ZNF808: variants seen among roughly 807,000 people sequenced by gnomAD.
ZNF808 encodes zinc finger protein 808.
Under a neutral mutation model 8.7 loss-of-function variants are expected in ZNF808, and 5 were observed. That is an observed-to-expected ratio of 0.58 (90% CI 0.30 to 1.21). The LOEUF (loss-of-function observed/expected upper bound fraction) is 1.21. ZNF808 is among the 50% of genes most tolerant of loss of function. The pLI is 0.07. For synonymous variants in ZNF808, 380 were observed against 366.0 expected (o/e 1.04, Z -0.44); for missense variants, 1,103 against 1,098.4 (o/e 1.00, Z -0.06).
chr19:52,549,843 G>A (rs2059758674), intron 4 of ZNF808, among the ~76,000 whole-genome samples: 1 of 152,096 alleles, frequency 6.6e-6, no homozygotes, highest in African/African-American at 2.4e-5. Context: ...CTCTCACTGA[G>A]TAAGTCAAGA....
At chr19:52,541,226 A>G (rs2059667017) in intron 2 of ZNF808, among the ~76,000 whole-genome samples, 2 of 150,832 alleles carry the variant, frequency 1.3e-5, no homozygotes, top group South Asian at 4.2e-4. Flanking sequence ...CTAGGATTAC[A>G]GATGTGATCC....
Position 52,550,143 on chromosome 19 carries a change from T to G in ZNF808, c.190+2505T>G, listed in dbSNP as rs568007102. Among the ~76,000 whole-genome samples the G allele has an allele frequency of 9.9e-5, 15 of 152,284 alleles. 1 individual carries two copies. Among genetic ancestry groups the G allele is most frequent in the Admixed American group, 5.2e-4 (8 of 15,286 alleles). ...GATTAAGTCTTGTCCCTCACTTACC[T>G]TATGTGCAAACTGGGGTCATGTCCA... On this transcript the variant is annotated intron_variant, in intron 4 of 4. Transcript: ENST00000359798.
chr19:52,540,819 A>G (rs145202015), intron 2 of ZNF808, among the ~76,000 whole-genome samples: 3 of 152,280 alleles, frequency 2.0e-5, no homozygotes, highest in African/African-American at 7.2e-5. Flanking sequence ...CTATGTGTGC[A>G]CAGTTGTGTG....
downstream of ZNF808, among the ~76,000 whole-genome samples, chr19:52,568,334 A>T (rs1225550369): frequency 1.3e-5 from 2 of 152,244 alleles, no homozygotes; most frequent in Non-Finnish European, 2.9e-5. Context: ...AGATCACATC[A>T]CTGCATTCCA....
chr19:52,548,965 G>GT (rs540827333), intron 4 of ZNF808, among the ~76,000 whole-genome samples: 2,593 of 148,606 alleles, frequency 0.017, 27 homozygotes, highest in South Asian at 0.039. Context: ...TAGAGGTACA[G>GT]TTTTTTTTTT....
intron 2 of ZNF808, among the ~76,000 whole-genome samples, chr19:52,537,991 G>GT (rs1231966429): frequency 6.8e-6 from 1 of 147,344 alleles, no homozygotes; most frequent in Non-Finnish European, 1.5e-5. Context: ...AAAAATCGCT[G>GT]TTATTACATA....
rs1177823367 is a variant in ZNF808, at chr19:52,554,900, T to TA, written c.1985dup (p.Tyr662Ter). 28 of 1,613,962 alleles carry TA rather than the reference T, an allele frequency of 1.7e-5. No homozygotes were observed. Among genetic ancestry groups the TA allele is most frequent in the Non-Finnish European group, 2.4e-5 (28 of 1,180,004 alleles). ...TAATGAGTGTGGGAAGACCTTCAGT[T>TA]ACAAGTCATCACTTGTATGGCATCG... ...KCNECGKTFS[Y>*]KSSLVWHRRL... The change falls in exon 5 of 5, where the codon TAC becomes TAAC. Residue 662 changes from tyrosine (Y) to a stop codon, truncating the protein, a stop_gained and frameshift_variant. Transcript: ENST00000359798. LOFTEE classifies it low-confidence loss of function (END_TRUNC).
intron 1 of ZNF808, among the ~76,000 whole-genome samples, chr19:52,529,381 CAAAA>C (rs1390794127): frequency 6.6e-6 from 1 of 151,902 alleles, no homozygotes; most frequent in Non-Finnish European, 1.5e-5. Context: ...GATCTTGTCT[CAAAA>C]GAAAAAATGG....
chr19:52,547,079 C>G (rs113790623), intron 3 of ZNF808, among the ~76,000 whole-genome samples: 16 of 151,298 alleles, frequency 1.1e-4, no homozygotes, highest in African/African-American at 3.9e-4. Flanking sequence ...TCCTGTGTAG[C>G]TGGGATTACA....
chr19:52,533,843 CA>C (rs919374020), intron 2 of ZNF808, among the ~76,000 whole-genome samples: 323 of 30,762 alleles, frequency 0.011, 3 homozygotes, highest in African/African-American at 0.043. Flanking sequence ...ACTCCGTCTC[CA>C]AAAAAAAAAA....
In ZNF808 at chr19:52,555,247, C is replaced by T. The variant is rs746530744; in HGVS notation, c.2331C>T (p.Ser777=). The change falls in exon 5 of 5, where the codon TCC becomes TCT. Residue 777 remains serine, a synonymous_variant. Coordinates refer to ENST00000359798, the MANE Select transcript of ZNF808 (RefSeq NM_001039886.4). ...GCAATACCTTCCGTCACTGGTCATC[C>T]CTTGTATACCATCGTAGACTTCATA... ...DCGNTFRHWS[S]LVYHRRLHTG... is the part of the protein sequence containing the mutation. 2 of 1,611,016 alleles carry T rather than the reference C, an allele frequency of 1.2e-6. No homozygotes were observed. The highest frequency in any genetic ancestry group is 1.4e-5 in the African/African-American group (1 of 73,906).
intron 2 of ZNF808, among the ~76,000 whole-genome samples, chr19:52,540,522 A>G (rs2059660510): frequency 1.3e-5 from 2 of 152,190 alleles, no homozygotes; most frequent in African/African-American, 2.4e-5. Context: ...TGTGTACTTG[A>G]TAATGATATC....
chr19:52,555,462 G>T lies in ZNF808; in HGVS notation c.2546G>T (p.Cys849Phe). 6.2e-7 allele frequency: 1 copy of T among 1,614,056 alleles called. No homozygotes were observed. The highest frequency in any genetic ancestry group is 1.1e-5 in the South Asian group (1 of 91,080). Residue 849 changes from cysteine (C) to phenylalanine (F), a missense_variant, in exon 5 of 5, where the codon TGT (cysteine) becomes TTT (phenylalanine). Transcript: ENST00000359798. ...RIHTGEKPYKCEACDKVFSRK... is the reference protein window; with the variant it reads ...RIHTGEKPYKFEACDKVFSRK... ...CATACTGGAGAGAAACCTTACAAAT[G>T]TGAAGCATGTGACAAAGTTTTCAGT...
chr19:52,552,218 C>T (rs1438246383), intron 4 of ZNF808, among the ~76,000 whole-genome samples: 1 of 151,630 alleles, frequency 6.6e-6, no homozygotes, highest in South Asian at 2.1e-4. Context: ...AGAGTTTCAC[C>T]GTGTTATCCA....
At chr19:52,546,642 C>CTTT (rs67940309) in intron 3 of ZNF808, among the ~76,000 whole-genome samples, 13 of 98,790 alleles carry the variant, frequency 1.3e-4, no homozygotes, top group East Asian at 5.9e-4. Flanking sequence ...CCTGTGTTTG[C>CTTT]TTTTTTTTTT....
intron 1 of ZNF808, among the ~76,000 whole-genome samples, chr19:52,531,111 A>G (rs1328895782): frequency 6.6e-6 from 1 of 152,158 alleles, no homozygotes; most frequent in African/African-American, 2.4e-5. Flanking sequence ...TGAGTGACAG[A>G]GTGTGACTTG....
At chr19:52,552,178 T>G (rs574147556) in intron 4 of ZNF808, among the ~76,000 whole-genome samples, 1 of 152,038 alleles carries the variant, frequency 6.6e-6, no homozygotes, top group African/African-American at 2.4e-5. Flanking sequence ...TCACCACGCC[T>G]GGCTATTTTT....
chr19:52,550,146 T>C lies in ZNF808; in HGVS notation c.190+2508T>C, dbSNP rs536996605. Among the ~76,000 whole-genome samples, 18 of 152,270 alleles carry C rather than the reference T, an allele frequency of 1.2e-4. 1 individual carries two copies. Among genetic ancestry groups the C allele is most frequent in the Admixed American group, 5.2e-4 (8 of 15,298 alleles). On this transcript the variant is annotated intron_variant, in intron 4 of 4. Coordinates refer to ENST00000359798, the MANE Select transcript of ZNF808 (RefSeq NM_001039886.4). ...TAAGTCTTGTCCCTCACTTACCTTA[T>C]GTGCAAACTGGGGTCATGTCCATGA...
At chr19:52,528,174 A>C (rs1404007797) in intron 1 of ZNF808, among the ~76,000 whole-genome samples, 1 of 147,434 alleles carries the variant, frequency 6.8e-6, no homozygotes. Flanking sequence ...CCCTCCTCCC[A>C]CCTCCCTACT....
Sources: allele counts gnomAD v4.1 joint callset (sites outside exome capture counted in the v4.1 genomes callset), GRCh38; gene constraint gnomAD v4.1.1; transcripts MANE v1.5; gene names NCBI Gene and HGNC (gene_info 2026-07-23, HGNC 2026-07-21).